RAP1GAP2: variants seen among roughly 807,000 people sequenced by gnomAD.
RAP1GAP2 encodes the protein RAP1 GTPase activating protein 2.
Under a neutral mutation model 95.0 loss-of-function variants are expected in RAP1GAP2, and 27 were observed. The ratio of observed to expected loss-of-function variants is 0.28; its 90% CI spans 0.21 to 0.39. The LOEUF (loss-of-function observed/expected upper bound fraction) is 0.39, where lower values mean the gene tolerates loss of function less well. Ranked by LOEUF, RAP1GAP2 falls within the 10% of genes least tolerant of loss-of-function variation. The probability of loss-of-function intolerance (pLI) is 1.00; values close to 1 mark genes in which losing one functional copy is unlikely to be tolerated. For synonymous variants in RAP1GAP2, 373 were observed against 380.9 expected (o/e 0.98, Z 0.24); for missense variants, 771 against 970.0 (o/e 0.79, Z 2.72).
chr17:2,852,344 G>T (rs2071891629), intron 2 of RAP1GAP2, among the ~76,000 whole-genome samples: 1 of 151,614 alleles, frequency 6.6e-6, no homozygotes, highest in Non-Finnish European at 1.5e-5. Context: ...GGGTGGGGGT[G>T]GGGGTGGGGG....
chr17:2,951,937 G>A (rs1383251344), intron 3 of RAP1GAP2, among the ~76,000 whole-genome samples: 2 of 152,118 alleles, frequency 1.3e-5, no homozygotes, highest in Non-Finnish European at 2.9e-5. Context: ...GGGAGGCTGA[G>A]GCAGGAGAAT....
Position 2,815,626 on chromosome 17 carries a change from C to T in RAP1GAP2, c.80+15076C>T, listed in dbSNP as rs550768375. On this transcript the variant is annotated intron_variant, in intron 2 of 24. Transcript: ENST00000254695. ...CCTCTTGAGTAGCTGGGATTACAGGCGCGCACCACCACGCCCAGCTAATTT... is the reference window on the plus strand; with the variant it reads ...CCTCTTGAGTAGCTGGGATTACAGGTGCGCACCACCACGCCCAGCTAATTT... Among the ~76,000 whole-genome samples, 9 of 152,030 alleles carry T rather than the reference C, an allele frequency of 5.9e-5. No homozygotes were observed. The East Asian group carries it at 9.7e-4, about 16-fold the overall frequency.
intron 14 of RAP1GAP2, among the ~76,000 whole-genome samples, chr17:3,001,548 C>G (rs2046160007): frequency 8.2e-6 from 1 of 122,674 alleles, no homozygotes; most frequent in Non-Finnish European, 1.7e-5. Flanking sequence ...GCAGGGAGTG[C>G]AGGTCCAAGC....
intron 2 of RAP1GAP2, among the ~76,000 whole-genome samples, chr17:2,856,591 G>C (rs968880636): frequency 6.6e-6 from 1 of 152,202 alleles, no homozygotes; most frequent in African/African-American, 2.4e-5. Flanking sequence ...ATGGGCCAAG[G>C]GGGCAGCCAG....
Position 2,963,338 on chromosome 17 carries a change from C to A in RAP1GAP2, c.247-92C>A. 7.0e-7 allele frequency: 1 copy of A among 1,426,078 alleles called. No homozygotes were observed. The highest frequency in any genetic ancestry group is 9.9e-7 in the Non-Finnish European group (1 of 1,011,440). The allele number at this position is 1,426,078 out of a possible 1,614,324, so 88.3% of individuals were successfully genotyped here. On this transcript the variant is annotated intron_variant, in intron 5 of 24. Transcript: ENST00000254695. The surrounding 1 kb of genome is among the most constrained non-coding windows in gnomAD (Gnocchi z 4.8). ...ATGTTCCTCCCTCAAAGCCCCCCCA[C>A]AACATATCCCCCTTGCAAGACCTGG...
At chr17:2,989,828 C>T (rs895982574) in intron 11 of RAP1GAP2, among the ~76,000 whole-genome samples, 1 of 137,302 alleles carries the variant, frequency 7.3e-6, no homozygotes, top group South Asian at 2.6e-4. Context: ...AATCGTGCAC[C>T]TGTCCTCACT....
intron 2 of RAP1GAP2, among the ~76,000 whole-genome samples, chr17:2,803,076 G>A (rs2069369089): frequency 6.6e-6 from 1 of 152,134 alleles, no homozygotes; most frequent in Non-Finnish European, 1.5e-5. Flanking sequence ...GTGCTGTTTT[G>A]GGACATCTAG....
chr17:2,812,353 C>CT (rs2069804998), intron 2 of RAP1GAP2, among the ~76,000 whole-genome samples: 1 of 152,174 alleles, frequency 6.6e-6, no homozygotes, highest in Non-Finnish European at 1.5e-5. Flanking sequence ...GTGGTTCCTC[C>CT]TGTCTCCCGG....
At chr17:2,849,851 C>T (rs2071753859) in intron 2 of RAP1GAP2, among the ~76,000 whole-genome samples, 1 of 152,224 alleles carries the variant, frequency 6.6e-6, no homozygotes, top group South Asian at 2.1e-4. Context: ...CCAGCTTTCT[C>T]AGCCCACCCC....
At chr17:2,939,927 T>C (rs1482951301) in intron 3 of RAP1GAP2, among the ~76,000 whole-genome samples, 2 of 152,244 alleles carry the variant, frequency 1.3e-5, no homozygotes, top group African/African-American at 4.8e-5. Flanking sequence ...ACCCGAGTCC[T>C]GTAGTTCCTT....
At chr17:2,940,086 TC>T (rs1463997785) in intron 3 of RAP1GAP2, among the ~76,000 whole-genome samples, 1 of 152,082 alleles carries the variant, frequency 6.6e-6, no homozygotes, top group Non-Finnish European at 1.5e-5. Context: ...TTCGTGAGTG[TC>T]CCTGGGCTGT....
intron 2 of RAP1GAP2, among the ~76,000 whole-genome samples, chr17:2,900,577 G>A (rs1242654818): frequency 6.6e-6 from 1 of 151,980 alleles, no homozygotes; most frequent in Non-Finnish European, 1.5e-5. Flanking sequence ...AAGTAGCTGG[G>A]ATTACAGGCA....
intron 2 of RAP1GAP2, among the ~76,000 whole-genome samples, chr17:2,879,550 A>G (rs1267567803): frequency 6.9e-6 from 1 of 144,332 alleles, no homozygotes; most frequent in African/African-American, 2.5e-5. Context: ...GCATGGTGAA[A>G]CCCCGTCTCT....
At chr17:2,832,036 TC>T (rs1433722667) in intron 2 of RAP1GAP2, among the ~76,000 whole-genome samples, 1 of 150,238 alleles carries the variant, frequency 6.7e-6, no homozygotes, top group Non-Finnish European at 1.5e-5. Flanking sequence ...AAACCCTGTC[TC>T]TACTAAAAAT....
chr17:2,899,881 T>C (rs1000403401), intron 2 of RAP1GAP2, among the ~76,000 whole-genome samples: 4 of 152,218 alleles, frequency 2.6e-5, no homozygotes, highest in Non-Finnish European at 5.9e-5. Context: ...TTCCACAGTA[T>C]GGAACAACCA....
At chr17:2,918,131 TA>T (rs2042629252) in intron 3 of RAP1GAP2, among the ~76,000 whole-genome samples, 1 of 152,084 alleles carries the variant, frequency 6.6e-6, no homozygotes, top group South Asian at 2.1e-4. Flanking sequence ...TGAGATTGGA[TA>T]ATTTATAAAG....
chr17:2,768,964 C>G (rs1168486566), intron 1 of RAP1GAP2, among the ~76,000 whole-genome samples: 5 of 150,924 alleles, frequency 3.3e-5, no homozygotes. Flanking sequence ...CAGTGGTGCA[C>G]TCCTGTAAAC....
intron 2 of RAP1GAP2, among the ~76,000 whole-genome samples, chr17:2,901,734 A>G (rs1275748682): frequency 6.6e-6 from 1 of 151,282 alleles, no homozygotes; most frequent in African/African-American, 2.4e-5. Flanking sequence ...ACTTAACTCT[A>G]TCTTATCTCG....
chr17:2,896,093 C>T (rs985425300), intron 2 of RAP1GAP2, among the ~76,000 whole-genome samples: 1 of 152,060 alleles, frequency 6.6e-6, no homozygotes, highest in Non-Finnish European at 1.5e-5. Flanking sequence ...GCTGGTCTCC[C>T]AAGGAGAACC....
Sources: gnomAD v4.1 joint callset for allele counts (sites outside exome capture counted in the v4.1 genomes callset) on GRCh38, gnomAD v4.1.1 for gene constraint, Gnocchi (gnomAD v3.1) non-coding constraint, MANE v1.5 for transcripts, NCBI Gene and HGNC (gene_info 2026-07-23, HGNC 2026-07-21) for gene names.